Variants in CDKAL1 observed in about 807,000 individuals in gnomAD.
The protein encoded by CDKAL1 is threonylcarbamoyladenosine tRNA methylthiotransferase.
In CDKAL1, 32 loss-of-function variants were observed where a neutral mutation model predicts 68.2. The observed-to-expected ratio is 0.47, with a 90% CI of 0.35 to 0.63. CDKAL1 has a LOEUF of 0.63. Among genes scored for constraint, CDKAL1 ranks in the 30% least tolerant of loss-of-function variants. The pLI is 0.00. For synonymous variants in CDKAL1, 234 were observed against 244.3 expected (o/e 0.96, Z 0.39); for missense variants, 606 against 696.7 (o/e 0.87, Z 1.47).
At chr6:21,019,679 C>T (rs1380037007) in intron 11 of CDKAL1, among the ~76,000 whole-genome samples, 2 of 152,144 alleles carry the variant, frequency 1.3e-5, no homozygotes, top group Non-Finnish European at 2.9e-5. Context: ...GTATGGTGTG[C>T]ATCACCGTGA....
intron 11 of CDKAL1, among the ~76,000 whole-genome samples, chr6:21,015,840 C>T (rs1443899356): frequency 2.0e-5 from 3 of 151,520 alleles, no homozygotes; most frequent in African/African-American, 4.9e-5. Context: ...CCCAGCTACT[C>T]AGGAGGCTGA....
chr6:20,631,693 T>A (rs1554166344), intron 4 of CDKAL1, among the ~76,000 whole-genome samples: 1 of 152,166 alleles, frequency 6.6e-6, no homozygotes, highest in Non-Finnish European at 1.5e-5. Flanking sequence ...AATAATTGGA[T>A]GAAAAAGACC....
Position 21,127,823 on chromosome 6 carries a change from C to T in CDKAL1, c.1299+19360C>T, listed in dbSNP as rs1197228550. Among the ~76,000 whole-genome samples the T allele has an allele frequency of 1.1e-4, 16 of 152,144 alleles. No individual in the cohort carries two copies. The East Asian group carries it at 2.9e-3, about 28-fold the overall frequency. ...GTGTCACTGAATTTATGAGTTTAAG[C>T]TTTTTTGCAAATGTTAAAACTGGCT... On this transcript the variant is annotated intron_variant, in intron 13 of 15. Transcript: ENST00000274695.
chr6:20,535,011 C>T (rs984598889), intron 1 of CDKAL1: 2 of 152,172 alleles, frequency 1.3e-5, no homozygotes, highest in African/African-American at 4.8e-5. Flanking sequence ...TTCTGAATCT[C>T]GGGACGACAG....
chr6:20,786,192 T>C (rs1194849903), intron 8 of CDKAL1, among the ~76,000 whole-genome samples: 1 of 152,094 alleles, frequency 6.6e-6, no homozygotes, highest in Non-Finnish European at 1.5e-5. Context: ...ACCACTGCAC[T>C]CCAGCCTGGG....
intron 8 of CDKAL1, among the ~76,000 whole-genome samples, chr6:20,833,695 C>A (rs960173483): frequency 6.6e-6 from 1 of 152,158 alleles, no homozygotes; most frequent in East Asian, 1.9e-4. Context: ...ATGGTAAACA[C>A]CCCCTGTACT....
chr6:20,749,572 G>C (rs1328100362), intron 6 of CDKAL1, among the ~76,000 whole-genome samples: 1 of 150,684 alleles, frequency 6.6e-6, no homozygotes, highest in Non-Finnish European at 1.5e-5. Flanking sequence ...TTTTGAGATG[G>C]AGTCTCACTC....
At chr6:21,018,020 G>T (rs1768435566) in intron 11 of CDKAL1, among the ~76,000 whole-genome samples, 1 of 152,076 alleles carries the variant, frequency 6.6e-6, no homozygotes, top group Non-Finnish European at 1.5e-5. Context: ...AATTGCAAGG[G>T]CTATCAACCT....
At chr6:21,005,899 C>T (rs977818148) in intron 11 of CDKAL1, among the ~76,000 whole-genome samples, 2 of 152,074 alleles carry the variant, frequency 1.3e-5, no homozygotes, top group Middle Eastern at 3.2e-3. Flanking sequence ...AGAGAACAAA[C>T]TAGAGGGGAA....
At position 20,687,861 on chromosome 6, in the gene CDKAL1, T is replaced by C. The variant is rs542555320; in HGVS notation, c.371+38484T>C. Among the ~76,000 whole-genome samples, 11 of 151,642 alleles carry C rather than the reference T, an allele frequency of 7.3e-5. No individual in the cohort carries two copies. The East Asian group carries it at 2.1e-3, about 29-fold the overall frequency. ...GATCCAAATTTCTGACCTACATCAT[T>C]TTTATCCTATGTAAAGGATTTTTTT... On this transcript the variant is annotated intron_variant, in intron 5 of 15. Coordinates refer to ENST00000274695, the MANE Select transcript of CDKAL1 (RefSeq NM_017774.3).
chr6:21,054,344 G>C (rs1006804811), intron 11 of CDKAL1, among the ~76,000 whole-genome samples: 1 of 152,044 alleles, frequency 6.6e-6, no homozygotes, highest in Non-Finnish European at 1.5e-5. Flanking sequence ...ACCATACTGC[G>C]TTGATTATTG....
intron 8 of CDKAL1, among the ~76,000 whole-genome samples, chr6:20,825,404 A>G (rs1777463663): frequency 6.6e-6 from 1 of 152,196 alleles, no homozygotes; most frequent in South Asian, 2.1e-4. Context: ...AGATAGGCAG[A>G]TAAGCTATAA....
intron 13 of CDKAL1, among the ~76,000 whole-genome samples, chr6:21,125,394 C>T (rs562956185): frequency 6.6e-6 from 1 of 152,146 alleles, no homozygotes; most frequent in Non-Finnish European, 1.5e-5. Context: ...TTTCCTTAGT[C>T]GGGCACAGTG....
intron 4 of CDKAL1, among the ~76,000 whole-genome samples, chr6:20,602,684 C>G (rs1343386580): frequency 6.6e-6 from 1 of 152,252 alleles, no homozygotes; most frequent in South Asian, 2.1e-4. Flanking sequence ...TCCATATTTT[C>G]TTCTTTCTCC....
At chr6:20,992,177 G>A (rs536646802) in intron 10 of CDKAL1, among the ~76,000 whole-genome samples, 7 of 144,546 alleles carry the variant, frequency 4.8e-5, no homozygotes, top group Admixed American at 2.0e-4. Flanking sequence ...ACAGGCACAC[G>A]TGACCATAGT....
chr6:21,022,149 C>A (rs1768702197), intron 11 of CDKAL1, among the ~76,000 whole-genome samples: 1 of 152,116 alleles, frequency 6.6e-6, no homozygotes, highest in Admixed American at 6.5e-5. Flanking sequence ...ATGATAGTGG[C>A]CCCCAGCATG....
At chr6:21,053,828 T>C (rs764840169) in intron 11 of CDKAL1, among the ~76,000 whole-genome samples, 1 of 152,194 alleles carries the variant, frequency 6.6e-6, no homozygotes, top group Admixed American at 6.5e-5. Flanking sequence ...TTCCTGTTAG[T>C]GAGTCATAGT....
chr6:20,720,562 A>C (rs1394063950), intron 5 of CDKAL1, among the ~76,000 whole-genome samples: 2 of 152,094 alleles, frequency 1.3e-5, no homozygotes. Flanking sequence ...GCTAGAGTGC[A>C]GTGGTGTGAT....
At chr6:20,981,400 G>A (rs1422373261) in intron 10 of CDKAL1, among the ~76,000 whole-genome samples, 2 of 152,098 alleles carry the variant, frequency 1.3e-5, no homozygotes, top group African/African-American at 2.4e-5. Context: ...TCTGGAATGC[G>A]TTCTTGCACT....
Sources: gnomAD v4.1 joint callset for allele counts (sites outside exome capture counted in the v4.1 genomes callset) on GRCh38, gnomAD v4.1.1 for gene constraint, MANE v1.5 for transcripts, NCBI Gene and HGNC (gene_info 2026-07-23, HGNC 2026-07-21) for gene names.